The following FOXP4 variants were observed in gnomAD, a reference collection of about 807,000 sequenced individuals.
FOXP4 encodes forkhead box protein P4.
In FOXP4, 25 loss-of-function variants were observed where a neutral mutation model predicts 82.6. The observed-to-expected ratio is 0.30, with a 90% CI of 0.22 to 0.42. FOXP4 has a LOEUF of 0.42. Among genes scored for constraint, FOXP4 ranks in the 10% least tolerant of loss-of-function variants. FOXP4 has a pLI of 1.00. For missense variants in FOXP4, 785 were observed against 900.9 expected (o/e 0.87, Z 1.65); for synonymous variants, 415 against 388.2 (o/e 1.07, Z -0.81).
chr6:41,556,847 C>T (rs982485896), intron 1 of FOXP4, among the ~76,000 whole-genome samples: 1 of 152,176 alleles, frequency 6.6e-6, no homozygotes, highest in Non-Finnish European at 1.5e-5. Flanking sequence ...ATTTAGAATG[C>T]TTGGAAAGCT....
At chr6:41,597,004 A>G (rs889470071) in intron 14 of FOXP4, among the ~76,000 whole-genome samples, 172 bp from the exon 15 acceptor site, 16 of 152,130 alleles carry the variant, frequency 1.1e-4, no homozygotes, top group Non-Finnish European at 2.2e-4. Flanking sequence ...GTGAAGACCG[A>G]ATCAGACCAA....
At chr6:41,595,500 C>G (rs1296004550) in intron 14 of FOXP4, among the ~76,000 whole-genome samples, 1 of 152,266 alleles carries the variant, frequency 6.6e-6, no homozygotes, top group Non-Finnish European at 1.5e-5. Flanking sequence ...GGTTCCAGGA[C>G]CAGGTCTCTG....
chr6:41,589,590 G>A (rs1766365545), intron 9 of FOXP4, among the ~76,000 whole-genome samples, 181 bp from the exon 10 acceptor site: 5 of 152,218 alleles, frequency 3.3e-5, no homozygotes, highest in Admixed American at 3.3e-4. Context: ...GCCCTTGAGG[G>A]GTAGAGCATT....
intron 2 of FOXP4, among the ~76,000 whole-genome samples, chr6:41,574,717 T>C (rs1275514956): frequency 6.6e-6 from 1 of 152,156 alleles, no homozygotes; most frequent in Non-Finnish European, 1.5e-5. Flanking sequence ...GGCAGTCCAG[T>C]GATCTCCAGG....
At chr6:41,549,466 T>G (rs144113235) in intron 1 of FOXP4, among the ~76,000 whole-genome samples, 1 of 152,058 alleles carries the variant, frequency 6.6e-6, no homozygotes. Context: ...GTTCTGGCTG[T>G]AGGCAGGTAG....
chr6:41,564,741 A>G (rs1308154776), intron 1 of FOXP4, among the ~76,000 whole-genome samples: 1 of 152,152 alleles, frequency 6.6e-6, no homozygotes, highest in Non-Finnish European at 1.5e-5. Flanking sequence ...GAGTGAGTTA[A>G]CCTTACTGAG....
Position 41,593,803 on chromosome 6 carries a change from G to A in FOXP4, c.1537-1067G>A, listed in dbSNP as rs1222380860. Among the ~76,000 whole-genome samples, 1 of 152,224 alleles carries A rather than the reference G, an allele frequency of 6.6e-6. No homozygotes were observed. The highest frequency in any genetic ancestry group is 1.5e-5 in the Non-Finnish European group (1 of 68,046). ...AATGAAATCGGGCCAGTTGCAAGTG[G>A]CAAGAGTTGGAAGGGAGAGAGGGAG... On this transcript the variant is annotated intron_variant, in intron 13 of 16. Coordinates refer to ENST00000307972, the MANE Select transcript of FOXP4 (RefSeq NM_001012426.2). The surrounding 1 kb of genome is among the most constrained non-coding windows in gnomAD (Gnocchi z 4.1).
At chr6:41,559,439 G>A (rs1306826702) in intron 1 of FOXP4, among the ~76,000 whole-genome samples, 1 of 152,182 alleles carries the variant, frequency 6.6e-6, no homozygotes, top group Non-Finnish European at 1.5e-5. Context: ...AGAGAAGCAT[G>A]ACTTTGTTCA....
intron 12 of FOXP4, 73 bp downstream of exon 12, chr6:41,590,420 C>T: frequency 6.6e-7 from 1 of 1,522,404 alleles, no homozygotes. Context: ...CACACCCCTG[C>T]CTCCAGGAAG....
At chr6:41,583,618 T>A (rs1765928178) in intron 3 of FOXP4, among the ~76,000 whole-genome samples, 1 of 152,152 alleles carries the variant, frequency 6.6e-6, no homozygotes, top group Non-Finnish European at 1.5e-5. Flanking sequence ...CTGCCACAAC[T>A]TGGGAGTGAG....
At chr6:41,586,926 G>A in intron 5 of FOXP4, 83 bp from the exon 6 acceptor site, 2 of 1,476,376 alleles carry the variant, frequency 1.4e-6, no homozygotes, top group Admixed American at 4.8e-5. Context: ...CCCTGGGAGG[G>A]GGTGGCCGCG....
At position 41,598,846 on chromosome 6, in the gene FOXP4, G is replaced by T. The variant is rs771472062; in HGVS notation, c.1953G>T (p.Gly651=). The T allele has an allele frequency of 1.3e-5, 21 of 1,585,790 alleles. No individual in the cohort carries two copies. In the Middle Eastern group the frequency reaches 5.2e-4, roughly 39 times the overall value. Residue 651 remains glycine, a synonymous_variant, in exon 17 of 17, where the codon GGG becomes GGT. Transcript: ENST00000307972. ...AGGCAGAGGAAGACAGGCAGCCCGGGCCTCCCCTGGGCGCCCCTAACCCCA... is the reference window on the plus strand; with the variant it reads ...AGGCAGAGGAAGACAGGCAGCCCGGTCCTCCCCTGGGCGCCCCTAACCCCA... The part of the protein sequence containing the change: ...PAEAEEDRQP[G]PPLGAPNPSA...
chr6:41,555,700 G>A (rs935571061), intron 1 of FOXP4, among the ~76,000 whole-genome samples: 15 of 152,252 alleles, frequency 9.9e-5, no homozygotes, highest in Admixed American at 7.2e-4. Context: ...CTTGGCATTC[G>A]GCTCCTCTTG....
rs367741854 is a variant in FOXP4, at chr6:41,556,514, T to C, written c.-16-9231T>C. The stretch of plus-strand genomic sequence containing the variant: ...TAATTTTTTGTATTTTTAGTAGAGA[T>C]AGGGTTTCACCATGTTAGCCAGGAT... On this transcript the variant is annotated intron_variant, in intron 1 of 16. Transcript: ENST00000307972. Among the ~76,000 whole-genome samples the C allele has an allele frequency of 1.4e-4, 22 of 151,974 alleles. No homozygotes were observed. In the South Asian group the frequency reaches 1.5e-3, roughly 10 times the overall value.
chr6:41,566,363 A>C (rs1301473224), intron 2 of FOXP4, among the ~76,000 whole-genome samples: 2 of 152,222 alleles, frequency 1.3e-5, no homozygotes, highest in Non-Finnish European at 2.9e-5. Context: ...TGCTGTGCAC[A>C]CAGGGGGATC....
At chr6:41,580,978 G>A (rs1159403832) in intron 3 of FOXP4, among the ~76,000 whole-genome samples, 1 of 152,206 alleles carries the variant, frequency 6.6e-6, no homozygotes, top group Non-Finnish European at 1.5e-5. Context: ...CCTCCTTCCA[G>A]GCCTGGACCC....
rs766679556 is a variant in FOXP4 at position 41,597,929 on chromosome 6, G to C, written c.1874G>C (p.Arg625Pro). ...LPSNGSSSPPRLSPPQYSHQV... is the reference protein window; with the variant it reads ...LPSNGSSSPPPLSPPQYSHQV... Reference sequence around the variant, plus strand: ...AGCAACGGCAGCAGCAGCCCTCCTCGCCTCTCCCCGCCCCAGTACAGGTGA... The same window carrying C: ...AGCAACGGCAGCAGCAGCCCTCCTCCCCTCTCCCCGCCCCAGTACAGGTGA... The change falls in exon 16 of 17, where the codon CGC (arginine) becomes CCC (proline). Residue 625 changes from arginine (R) to proline (P), a missense_variant. Transcript: ENST00000307972. 2.6e-6 allele frequency: 4 copies of C among 1,553,600 alleles called. No homozygotes were observed. In the South Asian group the frequency reaches 3.6e-5, roughly 14 times the overall value.
intron 3 of FOXP4, among the ~76,000 whole-genome samples, chr6:41,584,400 G>A (rs1314443126): frequency 1.3e-5 from 2 of 152,226 alleles, no homozygotes; most frequent in African/African-American, 2.4e-5. Flanking sequence ...CCAAAGCATG[G>A]GTTCTACTGA....
chr6:41,586,869 A>G, intron 5 of FOXP4, 140 bp from the exon 6 acceptor site: 1 of 1,362,994 alleles, frequency 7.3e-7, no homozygotes, highest in Non-Finnish European at 9.7e-7. Context: ...GGGAGCAGAG[A>G]CACTGCAGCT....
Sources: allele counts gnomAD v4.1 joint callset (sites outside exome capture counted in the v4.1 genomes callset), GRCh38; gene constraint gnomAD v4.1.1; non-coding constraint Gnocchi (gnomAD v3.1); transcripts MANE v1.5; gene names NCBI Gene and HGNC (gene_info 2026-07-23, HGNC 2026-07-21).